RBMS3: variants seen among roughly 807,000 people sequenced by gnomAD.
The protein encoded by RBMS3 is RNA-binding motif, single-stranded-interacting protein 3.
In RBMS3, 27 loss-of-function variants were observed where a neutral mutation model predicts 66.8. The observed-to-expected ratio is 0.40, with a 90% CI of 0.30 to 0.56. The LOEUF (loss-of-function observed/expected upper bound fraction) is 0.56, where lower values mean the gene tolerates loss of function less well. Among genes scored for constraint, RBMS3 ranks in the 20% least tolerant of loss-of-function variants. The probability of loss-of-function intolerance (pLI) is 0.40; values close to 1 mark genes in which losing one functional copy is unlikely to be tolerated. For synonymous variants in RBMS3, 188 were observed against 183.0 expected (o/e 1.03, Z -0.22); for missense variants, 513 against 549.5 (o/e 0.93, Z 0.66).
intron 2 of RBMS3, among the ~76,000 whole-genome samples, chr3:29,440,522 A>G (rs993283891): frequency 1.3e-5 from 2 of 152,160 alleles, no homozygotes; most frequent in African/African-American, 4.8e-5. Flanking sequence ...CTGCCCCCAC[A>G]CTTTTCTCCG....
chr3:29,464,821 A>C (rs1238074118), intron 2 of RBMS3, among the ~76,000 whole-genome samples: 1 of 152,164 alleles, frequency 6.6e-6, no homozygotes, highest in Admixed American at 6.5e-5. Context: ...AGATGTATCC[A>C]TGACTGCCTT....
intron 4 of RBMS3, among the ~76,000 whole-genome samples, chr3:29,670,804 T>A (rs904063687): frequency 6.6e-6 from 1 of 152,132 alleles, no homozygotes; most frequent in Non-Finnish European, 1.5e-5. Flanking sequence ...TGCCTGCCTT[T>A]GTAGACTCCA....
At chr3:29,708,628 G>T (rs1368555239) in intron 4 of RBMS3, among the ~76,000 whole-genome samples, 1 of 152,170 alleles carries the variant, frequency 6.6e-6, no homozygotes, top group Non-Finnish European at 1.5e-5. Context: ...AGTGATTGGG[G>T]TGATTCTAGC....
chr3:29,949,831 C>T (rs2149713157), intron 12 of RBMS3, among the ~76,000 whole-genome samples: 1 of 151,640 alleles, frequency 6.6e-6, no homozygotes, highest in Non-Finnish European at 1.5e-5. Context: ...CCAGGAAAAT[C>T]AAACATATAT....
At chr3:29,636,071 TG>T (rs1462274980) in intron 4 of RBMS3, among the ~76,000 whole-genome samples, 1 of 150,884 alleles carries the variant, frequency 6.6e-6, no homozygotes, top group Non-Finnish European at 1.5e-5. Flanking sequence ...TGTGTGTGTG[TG>T]TTTTCAGTTA....
At chr3:29,370,852 A>T (rs938497445) in intron 1 of RBMS3, among the ~76,000 whole-genome samples, 18 of 152,210 alleles carry the variant, frequency 1.2e-4, no homozygotes, top group Admixed American at 1.1e-3. Context: ...AGTGATGAGA[A>T]TGCTGTTTAC....
intron 1 of RBMS3, among the ~76,000 whole-genome samples, chr3:29,375,672 A>G (rs1371644007): frequency 6.6e-6 from 1 of 152,214 alleles, no homozygotes; most frequent in Non-Finnish European, 1.5e-5. Flanking sequence ...CAGCAACCAG[A>G]ATGGTTATTA....
At chr3:29,292,074 C>G (rs1398298442) in intron 1 of RBMS3, among the ~76,000 whole-genome samples, 1 of 151,720 alleles carries the variant, frequency 6.6e-6, no homozygotes, top group Non-Finnish European at 1.5e-5. Context: ...GGCGAATTCT[C>G]TCATAATCAC....
At chr3:29,638,137 C>T (rs1039655376) in intron 4 of RBMS3, among the ~76,000 whole-genome samples, 13 of 151,776 alleles carry the variant, frequency 8.6e-5, no homozygotes, top group African/African-American at 2.7e-4. Context: ...CAGGAAGACA[C>T]GTCCCCCTAT....
In RBMS3 at chr3:29,359,178, C is replaced by T. The variant is rs538942083; in HGVS notation, c.76-75565C>T. Among the ~76,000 whole-genome samples, 979 of 151,974 alleles carry T rather than the reference C, an allele frequency of 6.4e-3. 6 individuals are homozygous for T. The highest frequency in any genetic ancestry group is 0.022 in the African/African-American group (926 of 41,454). ...TGCCCATTCAGTATGATATTGGCTG[C>T]GGGTTTGTCATAAATAGCTCTTATT... is the stretch of plus-strand genomic sequence containing the variant. On this transcript the variant is annotated intron_variant, in intron 1 of 14. Coordinates refer to ENST00000383767, the MANE Select transcript of RBMS3 (RefSeq NM_001003793.3).
intron 2 of RBMS3, among the ~76,000 whole-genome samples, chr3:29,482,928 G>A (rs1394857064): frequency 1.3e-5 from 2 of 151,178 alleles, no homozygotes; most frequent in African/African-American, 4.9e-5. Flanking sequence ...GGCTGGTCTC[G>A]AACTCCTAAC....
At chr3:29,941,657 T>TA (rs1006191794) in intron 11 of RBMS3, among the ~76,000 whole-genome samples, 1 of 151,584 alleles carries the variant, frequency 6.6e-6, no homozygotes, top group Non-Finnish European at 1.5e-5. Flanking sequence ...TTTTGTTGTT[T>TA]AAAAAAATGA....
chr3:29,385,597 G>A (rs2038976596), intron 1 of RBMS3, among the ~76,000 whole-genome samples: 2 of 151,920 alleles, frequency 1.3e-5, no homozygotes, highest in African/African-American at 4.8e-5. Flanking sequence ...TGAGTCTCGT[G>A]GGTCTTTGGA....
At chr3:29,705,918 A>G (rs1413494793) in intron 4 of RBMS3, among the ~76,000 whole-genome samples, 1 of 152,206 alleles carries the variant, frequency 6.6e-6, no homozygotes, top group African/African-American at 2.4e-5. Context: ...TGAAAACAAG[A>G]GAGTATAGGG....
intron 1 of RBMS3, among the ~76,000 whole-genome samples, chr3:29,322,728 G>A (rs1406735065): frequency 6.6e-6 from 1 of 152,068 alleles, no homozygotes; most frequent in Admixed American, 6.6e-5. Context: ...ATGGTTCCTT[G>A]GAGTTAATTT....
chr3:29,765,442 G>C (rs939396837), intron 6 of RBMS3, among the ~76,000 whole-genome samples: 3 of 151,924 alleles, frequency 2.0e-5, no homozygotes, highest in African/African-American at 7.2e-5. Flanking sequence ...TTTAGAGAGT[G>C]TGTCTTTGCT....
chr3:29,884,441 TCTCTCTCTCTCTCTCTCTCTCTCTCTCTC>T (rs1178835904), intron 8 of RBMS3, among the ~76,000 whole-genome samples: 40 of 121,556 alleles, frequency 3.3e-4, no homozygotes, highest in Admixed American at 4.2e-4. Flanking sequence ...TCTCTCTCTC[TCTCTCTCTCTCTCTCTCTCTCTCTCTCTC>T]CCCCCCCGCT....
At chr3:29,615,472 A>G (rs898833557) in intron 4 of RBMS3, among the ~76,000 whole-genome samples, 22 of 145,862 alleles carry the variant, frequency 1.5e-4, no homozygotes, top group East Asian at 4.0e-4. Context: ...TACAGTTAGC[A>G]CACACACACA....
intron 5 of RBMS3, among the ~76,000 whole-genome samples, chr3:29,757,074 G>A (rs1178217855): frequency 6.6e-6 from 1 of 152,122 alleles, no homozygotes; most frequent in Admixed American, 6.5e-5. Flanking sequence ...CAGAGAGGGT[G>A]GGGATGAAAG....
Sources: gnomAD v4.1 joint callset for allele counts (sites outside exome capture counted in the v4.1 genomes callset) on GRCh38, gnomAD v4.1.1 for gene constraint, MANE v1.5 for transcripts, NCBI Gene and HGNC (gene_info 2026-07-23, HGNC 2026-07-21) for gene names.